KIT: variants seen among roughly 807,000 people sequenced by gnomAD.
KIT encodes KIT proto-oncogene, receptor tyrosine kinase.
A neutral mutation model predicts 105.7 loss-of-function variants in KIT; 16 were observed. That is an observed-to-expected ratio of 0.15 (90% CI 0.10 to 0.23). The LOEUF is 0.23. Ranked by LOEUF, KIT falls within the 10% of genes least tolerant of loss-of-function variation. The pLI is 1.00. For synonymous variants in KIT, 438 were observed against 441.1 expected, an observed-to-expected ratio of 0.99 and a Z score of 0.09; for missense variants, 858 against 1,213.8, an observed-to-expected ratio of 0.71 and a Z score of 4.36.
Position 54,695,382 on chromosome 4 carries a change from T to C in KIT, c.68-130T>C, listed in dbSNP as rs77049238. On this transcript the variant is annotated intron_variant, in intron 1 of 20. Coordinates refer to ENST00000288135, the MANE Select transcript of KIT (RefSeq NM_000222.3). ...TTAGACAGAACTCTCTTTTCAGCCA[T>C]AAATAGCAGGGCAGCTTTGTCCTAT... is the stretch of plus-strand genomic sequence containing the variant. The C allele has an allele frequency of 6.0e-3, 5,674 of 942,924 alleles. 237 individuals are homozygous for C. In the African/African-American group the frequency reaches 0.081, roughly 14 times the overall value. The allele number at this position is 942,924 out of a possible 1,614,324, so 58.4% of individuals were successfully genotyped here.
chr4:54,731,302 G>A (rs1438686890), intron 14 of KIT, 26 bp from the exon 15 acceptor site: 4 of 1,537,146 alleles, frequency 2.6e-6, no homozygotes, highest in Non-Finnish European at 3.6e-6. Flanking sequence ...ACTTGATTCA[G>A]TCATGACTTG....
At chr4:54,697,379 GAT>G (rs773888317) in intron 2 of KIT, among the ~76,000 whole-genome samples, 1 of 152,218 alleles carries the variant, frequency 6.6e-6, no homozygotes, top group Non-Finnish European at 1.5e-5. Context: ...TTTAAAAACA[GAT>G]TTTAAATGTA....
rs1720010283 is a variant in KIT at position 54,695,625 on chromosome 4, C to T, written c.181C>T (p.Pro61Ser). 6.2e-7 allele frequency: 1 copy of T among 1,614,198 alleles called. No homozygotes were observed. Among genetic ancestry groups the T allele is most frequent in the Non-Finnish European group, 8.5e-7 (1 of 1,180,030 alleles). Residue 61 changes from proline to serine, a missense_variant, in exon 2 of 21, where the codon CCG becomes TCG. Transcript: ENST00000288135. The stretch of plus-strand genomic sequence containing the variant: ...CGAGATTAGGCTGTTATGCACTGAT[C>T]CGGGCTTTGTCAAATGGACTTTTGA... ...GDEIRLLCTDPGFVKWTFEIL... is the reference protein window; with the variant it reads ...GDEIRLLCTDSGFVKWTFEIL...
In KIT at chr4:54,740,676, G is replaced by C; in HGVS notation, c.*2119G>C. The stretch of plus-strand genomic sequence containing the variant: ...CCTGTATGTTGTCCAATTGTTGACA[G>C]TTCTGAAGAATTCTAATAAAATGTA... On this transcript the variant is annotated 3_prime_UTR_variant, in exon 21 of 21. Transcript: ENST00000288135. The C allele has an allele frequency of 4.3e-6, 1 of 231,788 alleles. No homozygotes were observed. The highest frequency in any genetic ancestry group is 8.6e-6 in the Non-Finnish European group (1 of 116,940). 14.4% of individuals were successfully genotyped at this position (231,788 alleles called of 1,614,324 possible).
At chr4:54,660,680 G>A (rs1387665680) in intron 1 of KIT, among the ~76,000 whole-genome samples, 2 of 152,070 alleles carry the variant, frequency 1.3e-5, no homozygotes, top group Non-Finnish European at 2.9e-5. Context: ...ATGAGCCTAG[G>A]AAGTAGTACT....
At chr4:54,718,991 C>T (rs1356551073) in intron 7 of KIT, among the ~76,000 whole-genome samples, 1 of 152,182 alleles carries the variant, frequency 6.6e-6, no homozygotes, top group Non-Finnish European at 1.5e-5. Flanking sequence ...AGGTTTTACA[C>T]AGACCAAAAC....
intron 1 of KIT, among the ~76,000 whole-genome samples, chr4:54,666,999 T>G (rs1325957271): frequency 1.3e-5 from 2 of 152,138 alleles, no homozygotes; most frequent in African/African-American, 2.4e-5. Flanking sequence ...TTAAACTGAG[T>G]GTCAAAATAA....
intron 6 of KIT, among the ~76,000 whole-genome samples, chr4:54,707,817 G>A (rs754697534): frequency 3.3e-5 from 5 of 152,108 alleles, no homozygotes; most frequent in South Asian, 2.1e-4. Context: ...AGTACTTTAC[G>A]TGTATTCACC....
chr4:54,733,153 A>G lies in KIT; in HGVS notation c.2445A>G (p.Arg815=). The change falls in exon 17 of 21, where the codon AGA becomes AGG. Residue 815 remains arginine, a synonymous_variant. Transcript: ENST00000288135. ...AGATTTGTGATTTTGGTCTAGCCAG[A>G]GACATCAAGAATGATTCTAATTATG... The part of the protein sequence containing the change: ...ITKICDFGLA[R]DIKNDSNYVV... The G allele has an allele frequency of 6.2e-7, 1 of 1,612,896 alleles. No homozygotes were observed. Among genetic ancestry groups the G allele is most frequent in the Non-Finnish European group, 8.5e-7 (1 of 1,179,082 alleles).
chr4:54,692,774 C>T (rs1577948731), intron 1 of KIT, among the ~76,000 whole-genome samples: 1 of 152,210 alleles, frequency 6.6e-6, no homozygotes, highest in Non-Finnish European at 1.5e-5. Flanking sequence ...CTAGCGGACT[C>T]AACGTCTCAC....
intron 1 of KIT, among the ~76,000 whole-genome samples, chr4:54,676,059 T>G (rs1208645912): frequency 6.6e-6 from 1 of 152,202 alleles, no homozygotes. Flanking sequence ...CAGGCAGATT[T>G]GCTCACTCAA....
chr4:54,690,034 G>A lies in KIT; in HGVS notation c.68-5478G>A, dbSNP rs12643087. Among the ~76,000 whole-genome samples the A allele has an allele frequency of 1.0e-4, 15 of 143,236 alleles. No individual in the cohort carries two copies. The East Asian group carries it at 2.9e-3, about 28-fold the overall frequency. 94.0% of individuals were successfully genotyped at this position (143,236 alleles called of 152,430 possible). A position where few individuals can be genotyped will look rare whatever the true frequency, so the allele number is the denominator to read the frequency against. ...TGCAAGGTTCATTCATGTGTGGCATGTATAGAATGTTACTTTTTTTTTGTG... is the reference window on the plus strand; with the variant it reads ...TGCAAGGTTCATTCATGTGTGGCATATATAGAATGTTACTTTTTTTTTGTG... On this transcript the variant is annotated intron_variant, in intron 1 of 20. Coordinates refer to ENST00000288135, the MANE Select transcript of KIT (RefSeq NM_000222.3).
rs551591832 is a variant in KIT, at chr4:54,710,733, G to A, written c.1231+1194G>A. On this transcript the variant is annotated intron_variant, in intron 7 of 20. Coordinates refer to ENST00000288135, the MANE Select transcript of KIT (RefSeq NM_000222.3). ...ATTTCTGTATTTTTAGTAGAGATGG[G>A]GTTTCACCATGTTGGCCAGGATGGT... Among the ~76,000 whole-genome samples the A allele has an allele frequency of 3.9e-5, 6 of 152,152 alleles. No homozygotes were observed. In the South Asian group the frequency reaches 1.2e-3, roughly 32 times the overall value.
intron 1 of KIT, among the ~76,000 whole-genome samples, chr4:54,673,101 A>T (rs1213265816): frequency 1.3e-5 from 2 of 152,162 alleles, no homozygotes; most frequent in African/African-American, 4.8e-5. Context: ...TTTAAAGCCC[A>T]CTAGTTAGTT....
chr4:54,696,280 A>G (rs149496729), intron 2 of KIT, among the ~76,000 whole-genome samples: 190 of 152,356 alleles, frequency 1.2e-3, no homozygotes, highest in Non-Finnish European at 2.2e-3. Context: ...AGAGTTGTCC[A>G]TAGAAAAAAA....
intron 17 of KIT, among the ~76,000 whole-genome samples, chr4:54,734,740 G>A (rs1722818896): frequency 6.6e-6 from 1 of 152,180 alleles, no homozygotes; most frequent in African/African-American, 2.4e-5. Flanking sequence ...GTTCTCTGAA[G>A]TTCTTTCCTT....
chr4:54,701,059 A>T (rs1319840218), intron 4 of KIT, among the ~76,000 whole-genome samples: 5 of 152,230 alleles, frequency 3.3e-5, no homozygotes, highest in Non-Finnish European at 1.5e-5. Context: ...GCCTCTGTAT[A>T]ACTTGAACAT....
intron 2 of KIT, among the ~76,000 whole-genome samples, 160 bp from the exon 3 acceptor site, chr4:54,698,124 T>C (rs1184708575): frequency 2.0e-5 from 3 of 152,194 alleles, no homozygotes; most frequent in Admixed American, 6.5e-5. Flanking sequence ...ATGTTAATTC[T>C]CAATAGTACT....
rs572876470 is a variant in KIT at position 54,733,316 on chromosome 4, T to C, written c.2484+124T>C. On this transcript the variant is annotated intron_variant, in intron 17 of 20. Transcript: ENST00000288135. ...CTAGGGATATCACACATTTTAGCAG[T>C]CAAATTAAGTATACTTCAGCAAAAT... 2.4e-5 allele frequency: 27 copies of C among 1,125,056 alleles called. No homozygotes were observed. In the African/African-American group the frequency reaches 2.4e-4, roughly 10 times the overall value. The allele number at this position is 1,125,056 out of a possible 1,614,324, so 69.7% of individuals were successfully genotyped here.
Sources: allele counts gnomAD v4.1 joint callset (sites outside exome capture counted in the v4.1 genomes callset), GRCh38; gene constraint gnomAD v4.1.1; transcripts MANE v1.5; gene names NCBI Gene and HGNC (gene_info 2026-07-23, HGNC 2026-07-21).